ZBTB20: variants seen among roughly 807,000 people sequenced by gnomAD.
The protein encoded by ZBTB20 is zinc finger and BTB domain-containing protein 20.
In ZBTB20, 9 loss-of-function variants were observed where a neutral mutation model predicts 56.9. That is an observed-to-expected ratio of 0.16 (90% confidence interval 0.10 to 0.28). The LOEUF is 0.28. Among genes scored for constraint, ZBTB20 ranks in the 10% least tolerant of loss-of-function variants. The pLI is 1.00. For synonymous variants in ZBTB20, 417 were observed against 420.7 expected (o/e 0.99, Z 0.11); for missense variants, 655 against 1,003.0 (o/e 0.65, Z 4.69).
chr3:114,805,966 A>C (rs902309285), intron 4 of ZBTB20, among the ~76,000 whole-genome samples: 4 of 151,860 alleles, frequency 2.6e-5, no homozygotes, highest in African/African-American at 9.7e-5. Context: ...CACTGCATGG[A>C]TATAACACCA....
At chr3:114,994,835 C>T (rs903542656) in intron 2 of ZBTB20, among the ~76,000 whole-genome samples, 3 of 151,806 alleles carry the variant, frequency 2.0e-5, no homozygotes, top group South Asian at 4.1e-4. Context: ...TGAAATCCCA[C>T]GCTAAAACTG....
intron 7 of ZBTB20, among the ~76,000 whole-genome samples, chr3:114,485,934 A>G (rs2042072718): frequency 6.6e-6 from 1 of 152,118 alleles, no homozygotes; most frequent in Admixed American, 6.6e-5. Flanking sequence ...TTATAGCAGC[A>G]AAAATGGACT....
At chr3:115,007,011 G>T (rs998433296) in intron 2 of ZBTB20, among the ~76,000 whole-genome samples, 2 of 151,654 alleles carry the variant, frequency 1.3e-5, no homozygotes, top group African/African-American at 4.8e-5. Context: ...TAGTCTTTCA[G>T]ATTGTTAGTA....
chr3:114,470,151 T>G (rs773491755), intron 7 of ZBTB20, among the ~76,000 whole-genome samples: 1 of 152,176 alleles, frequency 6.6e-6, no homozygotes, highest in African/African-American at 2.4e-5. Context: ...CATAAAATGT[T>G]AGGTGATCAT....
intron 7 of ZBTB20, among the ~76,000 whole-genome samples, chr3:114,438,628 G>C (rs1214425367): frequency 1.3e-5 from 2 of 151,918 alleles, no homozygotes; most frequent in African/African-American, 4.8e-5. Context: ...AATTGAAAAA[G>C]GTATCATTTT....
At chr3:115,077,287 T>A (rs557077975) in intron 1 of ZBTB20, among the ~76,000 whole-genome samples, 3 of 152,304 alleles carry the variant, frequency 2.0e-5, no homozygotes, top group Admixed American at 2.0e-4. Context: ...CGTTGAAACT[T>A]AATTGCAATG....
chr3:114,509,215 C>T (rs1370639502), intron 6 of ZBTB20, among the ~76,000 whole-genome samples: 1 of 152,214 alleles, frequency 6.6e-6, no homozygotes, highest in East Asian at 1.9e-4. Context: ...GAAACAAATG[C>T]GGCTGAGACT....
At chr3:114,778,014 A>G (rs1450176077) in intron 5 of ZBTB20, among the ~76,000 whole-genome samples, 2 of 145,704 alleles carry the variant, frequency 1.4e-5, no homozygotes. Context: ...CAAACACTGC[A>G]TGTTCTCACT....
intron 11 of ZBTB20, among the ~76,000 whole-genome samples, chr3:114,340,674 T>C (rs1576227326): frequency 2.0e-5 from 3 of 152,330 alleles, no homozygotes; most frequent in South Asian, 2.1e-4. Context: ...ATGAACTGCG[T>C]GTTTGGTCCA....
In ZBTB20 at chr3:114,753,417, A is replaced by G. The variant is rs1347588036; in HGVS notation, c.-343+47684T>C. Reference sequence around the variant, plus strand: ...TATGTATATATATACACACACGTATATATATATATATATATACACACACAC... The same window carrying G: ...TATGTATATATATACACACACGTATGTATATATATATATATACACACACAC... On this transcript the variant is annotated intron_variant, in intron 5 of 11. Transcript: ENST00000675478. Among the ~76,000 whole-genome samples, 306 of 137,414 alleles carry G rather than the reference A, an allele frequency of 2.2e-3. 17 individuals carry two copies. Among genetic ancestry groups the G allele is most frequent in the African/African-American group, 8.3e-3 (295 of 35,550 alleles). 90.1% of individuals were successfully genotyped at this position (137,414 alleles called of 152,430 possible).
chr3:114,606,093 G>T (rs1178617056), intron 6 of ZBTB20, among the ~76,000 whole-genome samples: 1 of 152,194 alleles, frequency 6.6e-6, no homozygotes, highest in Non-Finnish European at 1.5e-5. Flanking sequence ...CCTATTTTAA[G>T]GAATGGTTAA....
At chr3:114,347,455 T>A (rs1319331941) in intron 11 of ZBTB20, among the ~76,000 whole-genome samples, 1 of 152,194 alleles carries the variant, frequency 6.6e-6, no homozygotes, top group African/African-American at 2.4e-5. Context: ...CTTTCTAGAA[T>A]CTTTTTATAC....
chr3:114,833,314 G>C (rs902384979), intron 4 of ZBTB20, among the ~76,000 whole-genome samples: 3 of 152,084 alleles, frequency 2.0e-5, no homozygotes, highest in Non-Finnish European at 4.4e-5. Flanking sequence ...AGAAGAAAGA[G>C]AGTAACTTTT....
intron 5 of ZBTB20, among the ~76,000 whole-genome samples, chr3:114,695,655 A>G (rs2062964406): frequency 6.6e-6 from 1 of 152,024 alleles, no homozygotes; most frequent in Non-Finnish European, 1.5e-5. Context: ...TTTGAAAATT[A>G]GGGTACTCAG....
intron 6 of ZBTB20, among the ~76,000 whole-genome samples, chr3:114,526,839 T>A (rs1215571041): frequency 1.3e-5 from 2 of 152,232 alleles, no homozygotes; most frequent in African/African-American, 4.8e-5. Flanking sequence ...AGAGGTTTAC[T>A]CTGTTGGGTG....
chr3:114,354,099 G>A (rs2080967918), intron 10 of ZBTB20, among the ~76,000 whole-genome samples: 1 of 152,164 alleles, frequency 6.6e-6, no homozygotes, highest in African/African-American at 2.4e-5. Flanking sequence ...TGGCTTTTAT[G>A]TTTTTAGGCT....
chr3:114,487,133 A>G (rs906404455), intron 7 of ZBTB20, among the ~76,000 whole-genome samples: 1 of 152,176 alleles, frequency 6.6e-6, no homozygotes, highest in Admixed American at 6.5e-5. Flanking sequence ...CTCGAACCCC[A>G]GCTTCTGAGT....
chr3:114,726,358 A>C (rs2065279647), intron 5 of ZBTB20, among the ~76,000 whole-genome samples: 2 of 152,240 alleles, frequency 1.3e-5, no homozygotes, highest in Admixed American at 1.3e-4. Context: ...CTGGATTCCA[A>C]AAATCACTTG....
chr3:114,492,542 CAGTTCCATCA>C (rs2042863094), intron 7 of ZBTB20, among the ~76,000 whole-genome samples: 1 of 152,152 alleles, frequency 6.6e-6, no homozygotes, highest in African/African-American at 2.4e-5. Context: ...AATTATCTCT[CAGTTCCATCA>C]ATTTCCTCCC....
Sources: gnomAD v4.1 joint callset for allele counts (sites outside exome capture counted in the v4.1 genomes callset) on GRCh38, gnomAD v4.1.1 for gene constraint, MANE v1.5 for transcripts, NCBI Gene and HGNC (gene_info 2026-07-23, HGNC 2026-07-21) for gene names.